Variants in PALD1 observed in about 807,000 individuals in gnomAD.
PALD1 encodes the protein paladin.
PALD1 carries 57 observed loss-of-function variants against 96.0 expected under a neutral mutation model. The ratio of observed to expected loss-of-function variants is 0.59; its 90% CI spans 0.48 to 0.74. The LOEUF is 0.74. PALD1 is among the 30% of genes least tolerant of loss of function. PALD1 has a pLI of 0.00. For missense variants in PALD1, 1,063 were observed against 1,143.7 expected (o/e 0.93, Z 1.02); for synonymous variants, 464 against 473.6 (o/e 0.98, Z 0.26).
At position 70,529,214 on chromosome 10, in the gene PALD1, C is replaced by CAT. The variant is rs1564698257; in HGVS notation, c.186-15_186-14insAT. On this transcript the variant is annotated splice_polypyrimidine_tract_variant and intron_variant, in intron 2 of 19. Coordinates refer to ENST00000263563, the MANE Select transcript of PALD1 (RefSeq NM_014431.3). ...TTGACTCAGTTTCCATTCTGCCCCC[C>CAT]CCCCCCCCCCCCAGGTACAACTGCA... 10 of 202,848 alleles carry CAT rather than the reference C, an allele frequency of 4.9e-5. No individual in the cohort carries two copies. The highest frequency in any genetic ancestry group is 3.1e-4 in the Admixed American group (5 of 16,338). 12.6% of individuals were successfully genotyped at this position (202,848 alleles called of 1,614,324 possible). A position where few individuals can be genotyped will look rare whatever the true frequency, so the allele number is the denominator to read the frequency against.
chr10:70,532,705 G>T lies in PALD1; in HGVS notation c.718G>T (p.Ala240Ser). The T allele has an allele frequency of 1.2e-6, 2 of 1,614,176 alleles. No individual in the cohort carries two copies. The highest frequency in any genetic ancestry group is 1.7e-6 in the Non-Finnish European group (2 of 1,180,000). Residue 240 changes from alanine (A) to serine (S), a missense_variant, in exon 6 of 20, where the codon GCC becomes TCC. By Grantham distance (99) the Ala-to-Ser change is moderately conservative. Transcript: ENST00000263563. ...EDLWGEPHAV[A>S]IHGEDDLHVT... is the part of the protein sequence containing the mutation. ...CCTGTGGGGGGAGCCCCATGCTGTG[G>T]CCATCCATGGTGAGGACGACTTGCA...
chr10:70,553,626 G>A (rs1014425112), intron 18 of PALD1, among the ~76,000 whole-genome samples: 5 of 152,172 alleles, frequency 3.3e-5, no homozygotes, highest in South Asian at 2.1e-4. Flanking sequence ...TGTTGGTTCC[G>A]GTTTTACATT....
intron 1 of PALD1, chr10:70,485,298 C>A (rs572244006): frequency 2.7e-4 from 41 of 152,898 alleles, no homozygotes; most frequent in South Asian, 1.2e-3. Flanking sequence ...CTGGAAGGCA[C>A]TTCCATGGTG....
chr10:70,478,443 A>G (rs1014439711), upstream of PALD1, among the ~76,000 whole-genome samples: 3 of 152,108 alleles, frequency 2.0e-5, no homozygotes, highest in Non-Finnish European at 4.4e-5. Context: ...TGGCGCCCAG[A>G]GCGCTGCTGC....
rs1847183441 is a variant in PALD1, at chr10:70,539,201, A to G, written c.1679A>G (p.Tyr560Cys). The change falls in exon 14 of 20, where the codon TAC becomes TGC. Residue 560 changes from tyrosine to cysteine, a missense_variant. By Grantham distance (194) the Tyr-to-Cys change is radical (BLOSUM62 -2). Coordinates refer to ENST00000263563, the MANE Select transcript of PALD1 (RefSeq NM_014431.3). The surrounding 1 kb of genome is among the most constrained non-coding windows in gnomAD (Gnocchi z 4.5). ...GTGTTGGAGTGTGACGGGCACACCT[A>G]CAGCCTGCGGTGGCCTGGGCCCCCT... The part of the protein sequence containing the change: ...EAVLECDGHT[Y>C]SLRWPGPPVA... The G allele has an allele frequency of 6.2e-7, 1 of 1,612,782 alleles. No individual in the cohort carries two copies. The highest frequency in any genetic ancestry group is 8.5e-7 in the Non-Finnish European group (1 of 1,179,494).
the PALD1 span, among the ~76,000 whole-genome samples, chr10:70,470,377 A>T: frequency 6.6e-6 from 1 of 151,756 alleles, no homozygotes; most frequent in Non-Finnish European, 1.5e-5. Context: ...GGTGTAAAAA[A>T]CTCAACTATG....
At chr10:70,472,552 C>T in the PALD1 span, among the ~76,000 whole-genome samples, 2 of 152,108 alleles carry the variant, frequency 1.3e-5, no homozygotes, top group African/African-American at 4.8e-5. Flanking sequence ...TGAGCCACTG[C>T]GCCTGGCCAG....
At chr10:70,552,460 T>A (rs1202298201) in intron 18 of PALD1, among the ~76,000 whole-genome samples, 1 of 152,166 alleles carries the variant, frequency 6.6e-6, no homozygotes, top group Non-Finnish European at 1.5e-5. Context: ...CTTAGGAACT[T>A]ATATTTTTAA....
intron 4 of PALD1, 94 bp from the exon 5 acceptor site, chr10:70,531,185 CAGGAGGAAGGA>C: frequency 1.1e-6 from 1 of 904,082 alleles, no homozygotes; most frequent in East Asian, 2.4e-5. Context: ...GTGTGGGGTG[CAGGAGGAAGGA>C]ACAGCTTGGG....
chr10:70,506,187 C>A (rs1846386289), intron 1 of PALD1, among the ~76,000 whole-genome samples: 1 of 152,170 alleles, frequency 6.6e-6, no homozygotes, highest in African/African-American at 2.4e-5. Context: ...ATTTTTACTG[C>A]CTCATCATGG....
intron 1 of PALD1, among the ~76,000 whole-genome samples, chr10:70,499,628 G>T (rs937976371): frequency 6.6e-6 from 1 of 152,274 alleles, no homozygotes; most frequent in African/African-American, 2.4e-5. Flanking sequence ...CCCGTGGCCT[G>T]GCATTTTCTC....
Position 70,539,395 on chromosome 10 carries a change from A to G in PALD1, c.1725+148A>G. 9.6e-7 allele frequency: 1 copy of G among 1,043,588 alleles called. No individual in the cohort carries two copies. Among genetic ancestry groups the G allele is most frequent in the Non-Finnish European group, 1.4e-6 (1 of 737,500 alleles). 64.6% of individuals were successfully genotyped at this position (1,043,588 alleles called of 1,614,324 possible). On this transcript the variant is annotated intron_variant, in intron 14 of 19. Transcript: ENST00000263563. The surrounding 1 kb of genome is among the most constrained non-coding windows in gnomAD (Gnocchi z 4.5). Reference sequence around the variant, plus strand: ...AGTGTCAGGGAGTGGCCAACTCAGGATTCCCACTAAAGTGCTCTGCTAACC... The same window carrying G: ...AGTGTCAGGGAGTGGCCAACTCAGGGTTCCCACTAAAGTGCTCTGCTAACC...
chr10:70,527,501 T>C (rs768933737), intron 2 of PALD1, among the ~76,000 whole-genome samples: 133 of 152,230 alleles, frequency 8.7e-4, no homozygotes, highest in Non-Finnish European at 1.5e-3. Context: ...TTCACTTACA[T>C]AGTATCTGTG....
At chr10:70,501,233 AG>A (rs1005669309) in intron 1 of PALD1, among the ~76,000 whole-genome samples, 3 of 152,104 alleles carry the variant, frequency 2.0e-5, no homozygotes, top group African/African-American at 7.2e-5. Flanking sequence ...TGTGTGGGCC[AG>A]GGTGCCTCCT....
chr10:70,496,412 G>A (rs1238265991), intron 1 of PALD1, among the ~76,000 whole-genome samples: 2 of 151,994 alleles, frequency 1.3e-5, no homozygotes, highest in Non-Finnish European at 2.9e-5. Flanking sequence ...GCCCCTTCCC[G>A]GTCCTTTCCC....
intron 1 of PALD1, among the ~76,000 whole-genome samples, chr10:70,508,218 A>T (rs866430982): frequency 1.1e-4 from 17 of 152,348 alleles, no homozygotes; most frequent in African/African-American, 3.8e-4. Flanking sequence ...GAATATGTCA[A>T]GGATCTTCAA....
chr10:70,518,788 G>A (rs1846666198), intron 1 of PALD1, among the ~76,000 whole-genome samples: 1 of 152,180 alleles, frequency 6.6e-6, no homozygotes, highest in Admixed American at 6.5e-5. Context: ...GCTCTCTCAG[G>A]TGGCTGTTCA....
chr10:70,462,379 C>T, the PALD1 span, among the ~76,000 whole-genome samples: 5 of 152,210 alleles, frequency 3.3e-5, no homozygotes, highest in Admixed American at 2.0e-4. Context: ...AGTGGGAATA[C>T]TACGTGCCTC....
chr10:70,479,176 G>A (rs1845885113), intron 1 of PALD1, 117 bp downstream of exon 1: 1 of 152,348 alleles, frequency 6.6e-6, no homozygotes, highest in African/African-American at 2.4e-5. Flanking sequence ...GAGAGGTGAG[G>A]TCCTGGGCCT....
Sources: allele counts gnomAD v4.1 joint callset (sites outside exome capture counted in the v4.1 genomes callset), GRCh38; gene constraint gnomAD v4.1.1; non-coding constraint Gnocchi (gnomAD v3.1); transcripts MANE v1.5; gene names NCBI Gene and HGNC (gene_info 2026-07-23, HGNC 2026-07-21).